Variants in GNAO1 observed in about 807,000 individuals in gnomAD.
GNAO1 encodes the protein G protein subunit alpha o1, also known as guanine nucleotide-binding protein G(o) subunit alpha.
For missense variants in GNAO1, 166 were observed against 478.7 expected, an observed-to-expected ratio of 0.35 and a Z score of 6.10; for synonymous variants, 164 against 180.7, an observed-to-expected ratio of 0.91 and a Z score of 0.74.
rs1007563982 is a variant in GNAO1, at chr16:56,250,962, C to T, written c.162-24969C>T. Among the ~76,000 whole-genome samples, 84 of 152,146 alleles carry T rather than the reference C, an allele frequency of 5.5e-4. 2 individuals carry two copies. The highest frequency in any genetic ancestry group is 7.2e-4 in the Non-Finnish European group (49 of 68,030). On this transcript the variant is annotated intron_variant, in intron 2 of 8. Coordinates refer to ENST00000262493, the MANE Select transcript of GNAO1 (RefSeq NM_020988.3). Reference sequence around the variant, plus strand: ...CAAGAGCTGGGGAGAAGTGGCTCTTCGAACACTTGATGTTGGCAAAGAGGT... The same window carrying T: ...CAAGAGCTGGGGAGAAGTGGCTCTTTGAACACTTGATGTTGGCAAAGAGGT...
intron 2 of GNAO1, among the ~76,000 whole-genome samples, chr16:56,200,452 A>G (rs546441026): frequency 6.6e-6 from 1 of 152,302 alleles, no homozygotes; most frequent in East Asian, 1.9e-4. Flanking sequence ...AATCTATTAT[A>G]TTCATTTGTT....
At chr16:56,299,592 A>C (rs538617163) in intron 3 of GNAO1, among the ~76,000 whole-genome samples, 1 of 151,792 alleles carries the variant, frequency 6.6e-6, no homozygotes, top group African/African-American at 2.4e-5. Context: ...CATTTTTTCC[A>C]ATAAGCTGTT....
intron 6 of GNAO1, chr16:56,344,290 C>T (rs574679469): frequency 6.7e-5 from 80 of 1,200,606 alleles, no homozygotes; most frequent in Middle Eastern, 3.4e-4. Flanking sequence ...CTGGAAGCCT[C>T]GGAGTGTCCT....
chr16:56,271,670 G>T (rs2037019367), intron 2 of GNAO1, among the ~76,000 whole-genome samples: 1 of 152,154 alleles, frequency 6.6e-6, no homozygotes, highest in Non-Finnish European at 1.5e-5. Flanking sequence ...AGCCAGGCTG[G>T]TCTCAAACTC....
intron 3 of GNAO1, 60 bp downstream of exon 3, chr16:56,276,132 C>G: frequency 6.8e-7 from 1 of 1,462,696 alleles, no homozygotes; most frequent in Non-Finnish European, 9.4e-7. Context: ...ACCCCACTGC[C>G]TCCTCTTTAT....
At chr16:56,206,728 C>CA (rs1486758959) in intron 2 of GNAO1, among the ~76,000 whole-genome samples, 1 of 152,030 alleles carries the variant, frequency 6.6e-6, no homozygotes, top group Non-Finnish European at 1.5e-5. Flanking sequence ...ATTTTTTAAT[C>CA]AAAAAAAGAA....
intron 2 of GNAO1, among the ~76,000 whole-genome samples, chr16:56,244,174 C>T (rs985624193): frequency 2.0e-5 from 3 of 152,060 alleles, no homozygotes; most frequent in East Asian, 1.9e-4. Context: ...AGTGTAGGCA[C>T]GTAAATGGGA....
At chr16:56,268,468 G>T (rs2036980917) in intron 2 of GNAO1, among the ~76,000 whole-genome samples, 1 of 152,158 alleles carries the variant, frequency 6.6e-6, no homozygotes, top group South Asian at 2.1e-4. Context: ...GATTCGTATT[G>T]ATCAATGACT....
At chr16:56,319,545 G>A (rs893914172) in intron 3 of GNAO1, among the ~76,000 whole-genome samples, 1 of 152,110 alleles carries the variant, frequency 6.6e-6, no homozygotes, top group Non-Finnish European at 1.5e-5. Flanking sequence ...TCTGGAAGCA[G>A]CACCCCTACC....
intron 3 of GNAO1, among the ~76,000 whole-genome samples, chr16:56,290,382 C>G (rs1567471237): frequency 6.6e-6 from 1 of 152,294 alleles, no homozygotes; most frequent in East Asian, 1.9e-4. Flanking sequence ...AGTGCCTGGC[C>G]CAGAATTGGT....
intron 2 of GNAO1, among the ~76,000 whole-genome samples, chr16:56,231,744 A>G (rs2036590226): frequency 6.6e-6 from 1 of 152,240 alleles, no homozygotes; most frequent in East Asian, 1.9e-4. Context: ...CAGGCTTGGT[A>G]CTAGGCACTG....
In GNAO1 at chr16:56,192,335, G is replaced by A; in HGVS notation, c.100G>A (p.Val34Met). 6.3e-7 allele frequency: 1 copy of A among 1,597,254 alleles called. No homozygotes were observed. Among genetic ancestry groups the A allele is most frequent in the Non-Finnish European group, 8.6e-7 (1 of 1,165,874 alleles). Residue 34 changes from valine (V) to methionine (M), a missense_variant, in exon 1 of 9, where the codon GTG becomes ATG. By Grantham distance (21) the Val-to-Met change is conservative. Transcript: ENST00000262493. ...KEDGISAAKDVKLLLLGAGES... is the reference protein window; with the variant it reads ...KEDGISAAKDMKLLLLGAGES... ...GGATGGCATCAGCGCCGCCAAAGACGTGAAATTACTCCTGCTCGGTAAGGA... is the reference window on the plus strand; with the variant it reads ...GGATGGCATCAGCGCCGCCAAAGACATGAAATTACTCCTGCTCGGTAAGGA...
chr16:56,298,722 C>G (rs1293035143), intron 3 of GNAO1, among the ~76,000 whole-genome samples: 3 of 151,924 alleles, frequency 2.0e-5, no homozygotes, highest in Non-Finnish European at 4.4e-5. Flanking sequence ...ACCATCCTGG[C>G]TAACACGGTG....
intron 2 of GNAO1, among the ~76,000 whole-genome samples, chr16:56,195,609 T>G (rs79111199): frequency 6.6e-6 from 1 of 152,220 alleles, no homozygotes; most frequent in Non-Finnish European, 1.5e-5. Context: ...TCAGGCCATA[T>G]GTACAGGTTA....
At chr16:56,296,375 G>A (rs1303641322) in intron 3 of GNAO1, among the ~76,000 whole-genome samples, 3 of 152,316 alleles carry the variant, frequency 2.0e-5, no homozygotes, top group African/African-American at 7.2e-5. Context: ...ATTGAGCTCA[G>A]CTAAACAAAG....
chr16:56,340,054 T>A (rs1268381196), intron 6 of GNAO1, among the ~76,000 whole-genome samples: 2 of 152,198 alleles, frequency 1.3e-5, no homozygotes, highest in Non-Finnish European at 2.9e-5. Flanking sequence ...CGCACCGGGC[T>A]CTCTGCAGGA....
intron 6 of GNAO1, chr16:56,345,146 T>A (rs2037852672): frequency 1.0e-6 from 1 of 985,626 alleles, no homozygotes; most frequent in South Asian, 4.7e-5. Flanking sequence ...CGGGGTAGCT[T>A]CTCCCGGTGA....
At position 56,351,582 on chromosome 16, in the gene GNAO1, A is replaced by G. The variant is rs773205204; in HGVS notation, c.877+45A>G. ...GTGCAGGGGGAAGCCTGCCCCTGAC[A>G]GGGACCCATGGCTCAGAGAACAGGC... On this transcript the variant is annotated intron_variant, in intron 7 of 8. Transcript: ENST00000262493. The surrounding 1 kb of genome is among the most constrained non-coding windows in gnomAD (Gnocchi z 6.1). 22 of 1,517,602 alleles carry G rather than the reference A, an allele frequency of 1.4e-5. No homozygotes were observed. In the South Asian group the frequency reaches 2.2e-4, roughly 15 times the overall value. The allele number at this position is 1,517,602 out of a possible 1,614,324, so 94.0% of individuals were successfully genotyped here.
At chr16:56,343,995 C>T (rs1266614443) in intron 6 of GNAO1, 2 of 1,595,742 alleles carry the variant, frequency 1.3e-6, no homozygotes, top group South Asian at 1.1e-5. Context: ...TGGCCTGCCG[C>T]CCCCCCTCCC....
Sources: allele counts gnomAD v4.1 joint callset (sites outside exome capture counted in the v4.1 genomes callset), GRCh38; gene constraint gnomAD v4.1.1; non-coding constraint Gnocchi (gnomAD v3.1); transcripts MANE v1.5; gene names NCBI Gene and HGNC (gene_info 2026-07-23, HGNC 2026-07-21).